Variants in SDR42E2 observed in about 807,000 individuals in gnomAD.
SDR42E2 encodes putative short-chain dehydrogenase/reductase family 42E member 2.
In SDR42E2, 20 loss-of-function variants were observed where a neutral mutation model predicts 10.5. That is an observed-to-expected ratio of 1.90 (90% confidence interval 1.34 to 2.77). The LOEUF (loss-of-function observed/expected upper bound fraction) is 2.77. Among genes scored for constraint, SDR42E2 ranks in the 30% most tolerant of loss-of-function variants. SDR42E2 has a pLI of 0.00. For synonymous variants in SDR42E2, 72 were observed against 39.2 expected (o/e 1.84, Z -3.12); for missense variants, 162 against 104.2 (o/e 1.55, Z -2.42).
chr16:22,164,661 C>A (rs1257503638), intron 1 of SDR42E2, among the ~76,000 whole-genome samples: 1 of 152,150 alleles, frequency 6.6e-6, no homozygotes, highest in Non-Finnish European at 1.5e-5. Context: ...TACCAGCCAC[C>A]CACACTACTG....
chr16:22,181,792 G>A, intron 9 of SDR42E2, 136 bp downstream of exon 9: 1 of 608,432 alleles, frequency 1.6e-6, no homozygotes, highest in South Asian at 1.9e-5. Context: ...CAGCCCAGGG[G>A]AGCTTGGGGG....
In SDR42E2 at chr16:22,178,161, G is replaced by A. The variant is rs2046661125; in HGVS notation, c.621G>A (p.Arg207=). 1.4e-6 allele frequency: 1 copy of A among 702,856 alleles called. No individual in the cohort carries two copies. The highest frequency in any genetic ancestry group is 1.5e-5 in the South Asian group (1 of 67,594). The allele number at this position is 702,856 out of a possible 1,614,324, so 43.5% of individuals were successfully genotyped here. ...GGGTLRTCVL[R]PPGIYGPEEQ... is the part of the protein sequence containing the mutation. ...GCACTCTTCGGACGTGTGTGCTCCGGCCTCCAGGGATCTACGGCCCTGAAG... is the reference window on the plus strand; with the variant it reads ...GCACTCTTCGGACGTGTGTGCTCCGACCTCCAGGGATCTACGGCCCTGAAG... The change falls in exon 8 of 13, where the codon CGG becomes CGA. Residue 207 remains arginine (R), a synonymous_variant. Coordinates refer to ENST00000602312, the MANE Select transcript of SDR42E2 (RefSeq NM_001394319.2).
chr16:22,185,723 C>T (rs2046732031), intron 11 of SDR42E2, among the ~76,000 whole-genome samples: 1 of 152,012 alleles, frequency 6.6e-6, no homozygotes, highest in Non-Finnish European at 1.5e-5. Context: ...TTCTCTGCCT[C>T]AGCCTCTCAA....
Position 22,191,617 on chromosome 16 carries a change from G to A in SDR42E2, c.*1224G>A, listed in dbSNP as rs1010438145. ...CTGCCGAGCCCGACTTGGCCTTTTT[G>A]GGTTCCTGTCTGAGGATGACAGCAT... On this transcript the variant is annotated 3_prime_UTR_variant, in exon 13 of 13. Transcript: ENST00000602312. The A allele has an allele frequency of 3.3e-5, 5 of 151,982 alleles. No individual in the cohort carries two copies. Among genetic ancestry groups the A allele is most frequent in the African/African-American group, 9.7e-5 (4 of 41,432 alleles). 9.4% of individuals were successfully genotyped at this position (151,982 alleles called of 1,614,324 possible).
Position 22,181,651 on chromosome 16 carries a change from G to T in SDR42E2, c.805G>T (p.Val269Leu), listed in dbSNP as rs370415957. 1 of 702,818 alleles carries T rather than the reference G, an allele frequency of 1.4e-6. No individual in the cohort carries two copies. Among genetic ancestry groups the T allele is most frequent in the African/African-American group, 1.7e-5 (1 of 57,378 alleles). The allele number at this position is 702,818 out of a possible 1,614,324, so 43.5% of individuals were successfully genotyped here. ...GGCCCTCACCACGGCCAAGGGCTAC[G>T]TGGCTGTGAGTCCCCTCTGATGCCC... ...AEALTTAKGY[V>L]ASGQAYYIND... Residue 269 changes from valine to leucine, a missense_variant, in exon 9 of 13, where the codon GTG becomes TTG. Coordinates refer to ENST00000602312, the MANE Select transcript of SDR42E2 (RefSeq NM_001394319.2).
At chr16:22,167,042 G>A (rs755372430) in intron 4 of SDR42E2, 43 bp downstream of exon 4, 3 of 695,694 alleles carry the variant, frequency 4.3e-6, no homozygotes, top group South Asian at 3.0e-5. Context: ...ACAGAGTGGG[G>A]TTCCAGTCCT....
intron 5 of SDR42E2, 142 bp downstream of exon 5, chr16:22,169,644 G>A (rs2046577425): frequency 1.5e-6 from 1 of 664,772 alleles, no homozygotes. Context: ...ACCTCCCCAG[G>A]GCCCTGCATG....
intron 6 of SDR42E2, 78 bp from the exon 7 acceptor site, chr16:22,172,178 A>G (rs2046606837): frequency 2.9e-6 from 2 of 699,764 alleles, no homozygotes; most frequent in East Asian, 5.4e-5. Context: ...GGGAAGGTGC[A>G]GCCCTGGGGC....
At chr16:22,164,443 C>A (rs1348738340) in intron 1 of SDR42E2, among the ~76,000 whole-genome samples, 1 of 152,178 alleles carries the variant, frequency 6.6e-6, no homozygotes, top group African/African-American at 2.4e-5. Flanking sequence ...CCTGTATTCC[C>A]AGCTGCTTGT....
rs1423278578 is a variant in SDR42E2 at position 22,191,676 on chromosome 16, G to C, written c.*1283G>C. The C allele has an allele frequency of 6.7e-6, 1 of 149,508 alleles. No homozygotes were observed. Among genetic ancestry groups the C allele is most frequent in the African/African-American group, 2.5e-5 (1 of 40,550 alleles). The allele number at this position is 149,508 out of a possible 1,614,324, so 9.3% of individuals were successfully genotyped here. A position where few individuals can be genotyped will look rare whatever the true frequency, so the allele number is the denominator to read the frequency against. ...CAGGTTTTAGTACCAGAAAGAGCATGAAAAATTTAAAAAAAAAAACTCTTA... is the reference window on the plus strand; with the variant it reads ...CAGGTTTTAGTACCAGAAAGAGCATCAAAAATTTAAAAAAAAAAACTCTTA... On this transcript the variant is annotated 3_prime_UTR_variant, in exon 13 of 13. Coordinates refer to ENST00000602312, the MANE Select transcript of SDR42E2 (RefSeq NM_001394319.2).
intron 7 of SDR42E2, among the ~76,000 whole-genome samples, chr16:22,172,917 A>G (rs546318286): frequency 1.3e-5 from 2 of 152,246 alleles, no homozygotes; most frequent in East Asian, 3.9e-4. Context: ...AGTGGCTGAA[A>G]CTGCAGGTGT....
At chr16:22,168,410 T>G (rs2046564519) in intron 4 of SDR42E2, among the ~76,000 whole-genome samples, 2 of 151,876 alleles carry the variant, frequency 1.3e-5, no homozygotes, top group Admixed American at 1.3e-4. Flanking sequence ...AGATTACAGT[T>G]GCACGCCACC....
intron 5 of SDR42E2, among the ~76,000 whole-genome samples, chr16:22,170,403 C>G (rs1333087884): frequency 6.6e-6 from 1 of 152,104 alleles, no homozygotes; most frequent in African/African-American, 2.4e-5. Flanking sequence ...TAAAAAGTTA[C>G]TAAAGCACCA....
chr16:22,185,649 C>G (rs1215856561), intron 11 of SDR42E2, among the ~76,000 whole-genome samples: 1 of 152,010 alleles, frequency 6.6e-6, no homozygotes, highest in East Asian at 1.9e-4. Flanking sequence ...GCACTGCCAC[C>G]CAGGCTGGAG....
intron 2 of SDR42E2, 116 bp downstream of exon 2, chr16:22,165,753 G>A: frequency 2.5e-6 from 1 of 401,648 alleles, no homozygotes; most frequent in East Asian, 3.6e-5. Context: ...GGCCTGGACT[G>A]GGGCCCAAAG....
intron 11 of SDR42E2, 23 bp downstream of exon 11, chr16:22,184,267 T>A (rs1229421702): frequency 2.5e-6 from 1 of 401,072 alleles, no homozygotes; most frequent in East Asian, 3.6e-5. Context: ...GTGTGCGTAG[T>A]AAAGCCCTCC....
At chr16:22,172,601 C>G (rs2046611068) in intron 7 of SDR42E2, among the ~76,000 whole-genome samples, 1 of 152,160 alleles carries the variant, frequency 6.6e-6, no homozygotes, top group African/African-American at 2.4e-5. Context: ...TGAGCAAACC[C>G]AAGTCTCTCT....
chr16:22,170,363 A>C (rs940457620), intron 5 of SDR42E2, among the ~76,000 whole-genome samples: 20 of 152,122 alleles, frequency 1.3e-4, no homozygotes, highest in Non-Finnish European at 2.6e-4. Context: ...TCAATAAATA[A>C]ATAAATAAAT....
chr16:22,182,503 C>G (rs900414867), intron 10 of SDR42E2, among the ~76,000 whole-genome samples: 5 of 152,030 alleles, frequency 3.3e-5, no homozygotes, highest in Admixed American at 2.0e-4. Context: ...CACGCCACCA[C>G]GCCCAGTTAA....
Sources: allele counts gnomAD v4.1 joint callset (sites outside exome capture counted in the v4.1 genomes callset), GRCh38; gene constraint gnomAD v4.1.1; transcripts MANE v1.5; gene names NCBI Gene and HGNC (gene_info 2026-07-23, HGNC 2026-07-21).